Variants in DIAPH1 observed in about 807,000 individuals in gnomAD.
DIAPH1 encodes diaphanous related formin 1, also known as protein diaphanous homolog 1.
Under a neutral mutation model 140.7 loss-of-function variants are expected in DIAPH1, and 46 were observed. The ratio of observed to expected loss-of-function variants is 0.33; its 90% CI spans 0.26 to 0.42. The LOEUF (loss-of-function observed/expected upper bound fraction) is 0.42. Among genes scored for constraint, DIAPH1 ranks in the 10% least tolerant of loss-of-function variants. The probability of loss-of-function intolerance (pLI) is 1.00; values close to 1 mark genes in which losing one functional copy is unlikely to be tolerated. For synonymous variants in DIAPH1, 565 were observed against 551.6 expected (o/e 1.02, Z -0.34); for missense variants, 1,310 against 1,558.7 (o/e 0.84, Z 2.69).
At position 141,565,017 on chromosome 5, in the gene DIAPH1, G is replaced by A. The variant is rs960976065; in HGVS notation, c.2482+6411C>T. 11 of 152,156 alleles carry A rather than the reference G, an allele frequency of 7.2e-5. No homozygotes were observed. Among genetic ancestry groups the A allele is most frequent in the Middle Eastern group, 3.4e-3 (1 of 294 alleles). The allele number at this position is 152,156 out of a possible 1,614,324, so 9.4% of individuals were successfully genotyped here. The stretch of plus-strand genomic sequence containing the variant: ...TTGGGCCCACAGATTTTATTTTTAA[G>A]AATTTACTGTGCAGAAATACAAGTT... On this transcript the variant is annotated intron_variant, in intron 18 of 27. Coordinates refer to ENST00000389054, the MANE Select transcript of DIAPH1 (RefSeq NM_005219.5). This position sits in a 1 kb window ranked among gnomAD's most constrained non-coding sequence, Gnocchi z 4.3.
intron 7 of DIAPH1, among the ~76,000 whole-genome samples, chr5:141,581,239 A>G (rs2099896711): frequency 6.6e-6 from 1 of 152,180 alleles, no homozygotes; most frequent in South Asian, 2.1e-4. Flanking sequence ...AGGATTGCCA[A>G]CAAGCTACCA....
rs771710298 is a variant in DIAPH1 at position 141,526,057 on chromosome 5, T to G, written c.3555A>C (p.Gln1185His). ...ERLEKQQKRE[Q>H]LIDMNAEGDE... ...CCTCACCTGCATTCATGTCTATGAG[T>G]TGCTCTCTCTTCTGCTGCTTCTCTA... Residue 1185 changes from glutamine (Q) to histidine (H), a missense_variant, in exon 26 of 28, where the codon CAA becomes CAC. Coordinates refer to ENST00000389054, the MANE Select transcript of DIAPH1 (RefSeq NM_005219.5). The G allele has an allele frequency of 1.9e-6, 3 of 1,614,042 alleles. No homozygotes were observed. The highest frequency in any genetic ancestry group is 2.5e-6 in the Non-Finnish European group (3 of 1,180,022).
chr5:141,535,436 T>G (rs2099888862), intron 18 of DIAPH1, among the ~76,000 whole-genome samples: 1 of 152,244 alleles, frequency 6.6e-6, no homozygotes, highest in African/African-American at 2.4e-5. Flanking sequence ...TAAACTTATT[T>G]TCATGGTATT....
intron 1 of DIAPH1, 56 bp downstream of exon 1, chr5:141,618,741 AG>A: frequency 7.9e-7 from 1 of 1,273,880 alleles, no homozygotes; most frequent in Non-Finnish European, 1.1e-6. Flanking sequence ...GGCCGGCTGC[AG>A]GGGTCCAGAG....
chr5:141,529,025 G>C, intron 21 of DIAPH1, 84 bp from the exon 22 acceptor site: 2 of 1,600,810 alleles, frequency 1.2e-6, no homozygotes, highest in Non-Finnish European at 1.7e-6. Context: ...CCTATGGGAG[G>C]ATCACAGCTC....
At chr5:141,534,732 T>A (rs1430682182) in intron 18 of DIAPH1, among the ~76,000 whole-genome samples, 1 of 152,180 alleles carries the variant, frequency 6.6e-6, no homozygotes, top group Non-Finnish European at 1.5e-5. Flanking sequence ...TAGTAACTAT[T>A]TTAGGCTTTG....
Position 141,526,190 on chromosome 5 carries a change from G to A in DIAPH1, c.3439-17C>T. 2 of 1,614,102 alleles carry A rather than the reference G, an allele frequency of 1.2e-6. No individual in the cohort carries two copies. Among genetic ancestry groups the A allele is most frequent in the African/African-American group, 1.3e-5 (1 of 75,022 alleles). On this transcript the variant is annotated splice_polypyrimidine_tract_variant and intron_variant, in intron 25 of 27. Coordinates refer to ENST00000389054, the MANE Select transcript of DIAPH1 (RefSeq NM_005219.5). Reference sequence around the variant, plus strand: ...GACTGCTTGCTGGGGCAGGGAAGAGGAGGAAGGAACACATGGGCATTGTAT... The same window carrying A: ...GACTGCTTGCTGGGGCAGGGAAGAGAAGGAAGGAACACATGGGCATTGTAT...
chr5:141,582,166 T>TG, intron 7 of DIAPH1, 146 bp downstream of exon 7: 2 of 685,336 alleles, frequency 2.9e-6, no homozygotes. Context: ...AGCATGTATA[T>TG]GTGGCAATGA....
chr5:141,608,858 T>C (rs1596411096), intron 1 of DIAPH1, among the ~76,000 whole-genome samples: 1 of 152,068 alleles, frequency 6.6e-6, no homozygotes, highest in African/African-American at 2.4e-5. Context: ...ACGTCAAATT[T>C]AAAATATAAA....
At chr5:141,577,251 A>C (rs2099896105) in intron 12 of DIAPH1, among the ~76,000 whole-genome samples, 1 of 152,122 alleles carries the variant, frequency 6.6e-6, no homozygotes, top group Non-Finnish European at 1.5e-5. Context: ...CCCCTCCAAA[A>C]ACAGAACGGC....
chr5:141,518,851 C>T, intron 27 of DIAPH1: 6 of 1,255,096 alleles, frequency 4.8e-6, no homozygotes, highest in Non-Finnish European at 6.8e-6. Flanking sequence ...GGTCTTCTCT[C>T]CCTGCAGAGC....
At position 141,618,560 on chromosome 5, in the gene DIAPH1, G is replaced by A. The variant is rs553186477; in HGVS notation, c.117+238C>T. On this transcript the variant is annotated intron_variant, in intron 1 of 27. Coordinates refer to ENST00000389054, the MANE Select transcript of DIAPH1 (RefSeq NM_005219.5). ...ATGCGGGCGGGAGGGCAGAATGTAAGGGCTGGGGAACGAGGGAAGCCCCGA... is the reference window on the plus strand; with the variant it reads ...ATGCGGGCGGGAGGGCAGAATGTAAAGGCTGGGGAACGAGGGAAGCCCCGA... 913 of 432,828 alleles carry A rather than the reference G, an allele frequency of 2.1e-3. 5 individuals are homozygous for A. Among genetic ancestry groups the A allele is most frequent in the African/African-American group, 0.017 (799 of 47,266 alleles). 26.8% of individuals were successfully genotyped at this position (432,828 alleles called of 1,614,324 possible).
chr5:141,561,216 T>C (rs887885419), intron 18 of DIAPH1, among the ~76,000 whole-genome samples: 2 of 151,968 alleles, frequency 1.3e-5, no homozygotes, highest in Non-Finnish European at 2.9e-5. Context: ...AAAGAAGAAA[T>C]CACTGGCTCT....
At chr5:141,569,468 A>T (rs906894318) in intron 18 of DIAPH1, among the ~76,000 whole-genome samples, 1 of 152,172 alleles carries the variant, frequency 6.6e-6, no homozygotes, top group African/African-American at 2.4e-5. Flanking sequence ...TACTTTTAAA[A>T]AGTAGTAAGG....
rs1472854160 is a variant in DIAPH1, at chr5:141,579,132, G to C, written c.889C>G (p.Pro297Ala). 1 of 1,614,128 alleles carries C rather than the reference G, an allele frequency of 6.2e-7. No homozygotes were observed. Among genetic ancestry groups the C allele is most frequent in the Admixed American group, 1.7e-5 (1 of 60,024 alleles). The change falls in exon 9 of 28, where the codon CCG (proline) becomes GCG (alanine). Residue 297 changes from proline (P) to alanine (A), a missense_variant. Around this residue, in one of 3 missense-constraint regions of DIAPH1, gnomAD observed 377 missense variants for 497.1 expected, o/e 0.76. Transcript: ENST00000389054. The stretch of plus-strand genomic sequence containing the variant: ...CCACTTTTTAATCCATCCAGCAGCG[G>C]CTGGAAACGTTCCACTTCATCCATC... ...AEMDEVERFQPLLDGLKSGTT... is the reference protein window; with the variant it reads ...AEMDEVERFQALLDGLKSGTT...
chr5:141,585,221 C>T (rs906769751), intron 3 of DIAPH1, among the ~76,000 whole-genome samples: 7 of 152,138 alleles, frequency 4.6e-5, no homozygotes, highest in African/African-American at 1.7e-4. Flanking sequence ...TCCCAAAGTG[C>T]TGGGATTACA....
In DIAPH1 at chr5:141,580,898, A is replaced by G; in HGVS notation, c.685-15T>C. On this transcript the variant is annotated splice_polypyrimidine_tract_variant and intron_variant, in intron 7 of 27. Transcript: ENST00000389054. ...TTGATTCCAAACTGGTAGGACCAAG[A>G]ACAAAGAAAGGAGGCTGAAAGACGA... The G allele has an allele frequency of 6.2e-7, 1 of 1,614,174 alleles. No homozygotes were observed. Among genetic ancestry groups the G allele is most frequent in the Non-Finnish European group, 8.5e-7 (1 of 1,180,036 alleles).
At chr5:141,566,407 C>T (rs917684371) in intron 18 of DIAPH1, among the ~76,000 whole-genome samples, 6 of 152,104 alleles carry the variant, frequency 3.9e-5, no homozygotes, top group Admixed American at 1.3e-4. Flanking sequence ...AGGAGTAACA[C>T]GGGTGTCAGT....
At chr5:141,544,422 T>G (rs183186387) in intron 18 of DIAPH1, among the ~76,000 whole-genome samples, 5 of 152,262 alleles carry the variant, frequency 3.3e-5, no homozygotes, top group African/African-American at 9.6e-5. Flanking sequence ...AAGCCATTAT[T>G]AAGAAATGAG....
Sources: allele counts gnomAD v4.1 joint callset (sites outside exome capture counted in the v4.1 genomes callset), GRCh38; gene constraint gnomAD v4.1.1; regional missense constraint gnomAD v4.1.1; non-coding constraint Gnocchi (gnomAD v3.1); transcripts MANE v1.5; gene names NCBI Gene and HGNC (gene_info 2026-07-23, HGNC 2026-07-21).